RUBCN: variants seen among roughly 807,000 people sequenced by gnomAD.
RUBCN encodes rubicon autophagy regulator.
Under a neutral mutation model 113.2 loss-of-function variants are expected in RUBCN, and 74 were observed. The observed-to-expected ratio is 0.65, with a 90% CI of 0.54 to 0.79. The LOEUF is 0.79. Among genes scored for constraint, RUBCN ranks in the 30% least tolerant of loss-of-function variants. RUBCN has a pLI of 0.00. For missense variants in RUBCN, 1,109 were observed against 1,251.7 expected, an observed-to-expected ratio of 0.89 and a Z score of 1.72; for synonymous variants, 480 against 490.0, an observed-to-expected ratio of 0.98 and a Z score of 0.27.
At position 197,671,935 on chromosome 3, in the gene RUBCN, T is replaced by C. The variant is rs1719830541; in HGVS notation, c.*3083A>G. The C allele has an allele frequency of 1.3e-5, 2 of 152,236 alleles. No individual in the cohort carries two copies. The highest frequency in any genetic ancestry group is 4.1e-4 in the South Asian group (2 of 4,832). The allele number at this position is 152,236 out of a possible 1,614,324, so 9.4% of individuals were successfully genotyped here. A position where few individuals can be genotyped will look rare whatever the true frequency, so the allele number is the denominator to read the frequency against. Reference sequence around the variant, plus strand: ...CAGAAACCTTCTCAATGTTCAGATATACCTGCTTTACAGTGGACACATGCC... The same window carrying C: ...CAGAAACCTTCTCAATGTTCAGATACACCTGCTTTACAGTGGACACATGCC... On this transcript the variant is annotated 3_prime_UTR_variant, in exon 20 of 20. Transcript: ENST00000296343.
rs1017105146 is a variant in RUBCN at position 197,683,785 on chromosome 3, T to G, written c.1848-346A>C. On this transcript the variant is annotated intron_variant, in intron 12 of 19. Coordinates refer to ENST00000296343, the MANE Select transcript of RUBCN (RefSeq NM_014687.4). This position sits in a 1 kb window ranked among gnomAD's most constrained non-coding sequence, Gnocchi z 4.6. ...ATTGCTTTGTGGACTACAAAGCGAT[T>G]TTTCCTCCCAAATGAGCTACTGTGT... 1.2e-4 allele frequency among the ~76,000 whole-genome samples: 19 copies of G among 152,208 alleles called. No homozygotes were observed. Among genetic ancestry groups the G allele is most frequent in the African/African-American group, 4.3e-4 (18 of 41,524 alleles).
rs529670241 is a variant in RUBCN, at chr3:197,681,745, G to T, written c.2191+90C>A. The T allele has an allele frequency of 1.5e-5, 18 of 1,175,072 alleles. No individual in the cohort carries two copies. The highest frequency in any genetic ancestry group is 1.0e-5 in the Non-Finnish European group (8 of 780,864). The allele number at this position is 1,175,072 out of a possible 1,614,324, so 72.8% of individuals were successfully genotyped here. On this transcript the variant is annotated intron_variant, in intron 15 of 19. Transcript: ENST00000296343. This position sits in a 1 kb window ranked among gnomAD's most constrained non-coding sequence, Gnocchi z 5.5. ...CCCTACTTCTGCCACGCCACCTCCTGCTACCGCCTTTGACACGCCACCTCT... is the reference window on the plus strand; with the variant it reads ...CCCTACTTCTGCCACGCCACCTCCTTCTACCGCCTTTGACACGCCACCTCT...
Position 197,675,697 on chromosome 3 carries a change from C to T in RUBCN, c.2647-182G>A, listed in dbSNP as rs544563457. Among the ~76,000 whole-genome samples the T allele has an allele frequency of 6.6e-6, 1 of 152,290 alleles. No individual in the cohort carries two copies. The highest frequency in any genetic ancestry group is 2.1e-4 in the South Asian group (1 of 4,822). ...CAGGGCCGGGCAGCGTTAGACAAAGCTTTAGGCAGAAGATCAGACAGGCAC... is the reference window on the plus strand; with the variant it reads ...CAGGGCCGGGCAGCGTTAGACAAAGTTTTAGGCAGAAGATCAGACAGGCAC... On this transcript the variant is annotated intron_variant, in intron 18 of 19. Transcript: ENST00000296343. This position sits in a 1 kb window ranked among gnomAD's most constrained non-coding sequence, Gnocchi z 4.4.
chr3:197,694,525 T>G lies in RUBCN; in HGVS notation c.1534A>C (p.Asn512His), dbSNP rs1488933593. Residue 512 changes from asparagine to histidine, a missense_variant, in exon 10 of 20, where the codon AAC (asparagine) becomes CAC (histidine). Coordinates refer to ENST00000296343, the MANE Select transcript of RUBCN (RefSeq NM_014687.4). The stretch of plus-strand genomic sequence containing the variant: ...TCCTCTAGGCACTGGCTCATCATGT[T>G]GCACTTCATTAGCTCGATGGCAGCA... Reference protein sequence around the residue: ...LIAAIELMKCNMMSQCLEEEE... With the variant: ...LIAAIELMKCHMMSQCLEEEE... The G allele has an allele frequency of 3.7e-6, 6 of 1,614,242 alleles. No individual in the cohort carries two copies. In the South Asian group the frequency reaches 6.6e-5, roughly 18 times the overall value.
intron 1 of RUBCN, among the ~76,000 whole-genome samples, chr3:197,732,271 A>C (rs921042593): frequency 4.6e-5 from 7 of 152,232 alleles, no homozygotes; most frequent in African/African-American, 1.7e-4. Flanking sequence ...CTAGGGAGAC[A>C]GAGCAATGCC....
chr3:197,735,359 A>C (rs1728000732), intron 1 of RUBCN, among the ~76,000 whole-genome samples: 1 of 152,254 alleles, frequency 6.6e-6, no homozygotes, highest in Admixed American at 6.5e-5. Context: ...TGTTCACGGC[A>C]CTGCGCTCAG....
intron 2 of RUBCN, among the ~76,000 whole-genome samples, chr3:197,708,676 A>T (rs913028397): frequency 1.3e-5 from 2 of 152,128 alleles, no homozygotes; most frequent in Non-Finnish European, 2.9e-5. Flanking sequence ...TAGAATAAAC[A>T]TGCACTTTTA....
chr3:197,692,212 T>C (rs1180380950), intron 11 of RUBCN, among the ~76,000 whole-genome samples: 1 of 151,912 alleles, frequency 6.6e-6, no homozygotes, highest in Non-Finnish European at 1.5e-5. Flanking sequence ...CAATAAAAAC[T>C]TGAACAATGA....
At chr3:197,749,595 C>T (rs749986532) in exon 1 of RUBCN, 242 of 1,214,464 alleles carry the variant, frequency 2.0e-4, no homozygotes, top group Non-Finnish European at 2.4e-4. Flanking sequence ...CTGTCTGCAG[C>T]AGGAGGGACT....
upstream of RUBCN, among the ~76,000 whole-genome samples, chr3:197,741,777 C>CGCACCACTGCACTCCAGAGATT (rs1553906226): frequency 4.0e-5 from 6 of 151,304 alleles, no homozygotes; most frequent in African/African-American, 9.7e-5. Context: ...GAGCTGAGAT[C>CGCACCACTGCACTCCAGAGATT]GCACCACTGC....
At chr3:197,693,908 T>A (rs1303196582) in intron 10 of RUBCN, 92 bp from the exon 11 acceptor site, 1 of 841,824 alleles carries the variant, frequency 1.2e-6, no homozygotes, top group Admixed American at 1.9e-5. Flanking sequence ...TGATATGACC[T>A]CAACAGAGAG....
chr3:197,707,437 GA>G (rs1216642146), intron 2 of RUBCN, among the ~76,000 whole-genome samples: 1 of 152,018 alleles, frequency 6.6e-6, no homozygotes, highest in Non-Finnish European at 1.5e-5. Context: ...AAAAAAAATG[GA>G]AAAAATTGAT....
Position 197,683,229 on chromosome 3 carries a change from A to T in RUBCN, c.1980+78T>A. ...GGAACACCCAGGCTCATTCCAGACTAGGGACATGTGACGAAGGAAAACAAG... is the reference window on the plus strand; with the variant it reads ...GGAACACCCAGGCTCATTCCAGACTTGGGACATGTGACGAAGGAAAACAAG... On this transcript the variant is annotated intron_variant, in intron 13 of 19. Coordinates refer to ENST00000296343, the MANE Select transcript of RUBCN (RefSeq NM_014687.4). This position sits in a 1 kb window ranked among gnomAD's most constrained non-coding sequence, Gnocchi z 4.6. 1 of 1,558,776 alleles carries T rather than the reference A, an allele frequency of 6.4e-7. No homozygotes were observed. Among genetic ancestry groups the T allele is most frequent in the Non-Finnish European group, 8.9e-7 (1 of 1,129,638 alleles).
intron 1 of RUBCN, among the ~76,000 whole-genome samples, chr3:197,747,231 G>A (rs898306161): frequency 2.0e-5 from 3 of 152,112 alleles, no homozygotes; most frequent in African/African-American, 7.2e-5. Flanking sequence ...ATCTGGGGAT[G>A]GCTCCTAGGC....
At position 197,677,473 on chromosome 3, in the gene RUBCN, G is replaced by C. The variant is rs377480775; in HGVS notation, c.2492+7C>G. 3.7e-5 allele frequency: 59 copies of C among 1,612,946 alleles called. No individual in the cohort carries two copies. In the Admixed American group the frequency reaches 6.0e-4, roughly 16 times the overall value. ...GGCCAGAGGGCTCTAGCTCCAAAAG[G>C]ACTTACTCCTTGGCCAGTCGGCAAG... On this transcript the variant is annotated splice_region_variant and intron_variant, in intron 17 of 19. Coordinates refer to ENST00000296343, the MANE Select transcript of RUBCN (RefSeq NM_014687.4).
chr3:197,747,583 A>G (rs1238248015), intron 1 of RUBCN, among the ~76,000 whole-genome samples: 6 of 152,062 alleles, frequency 3.9e-5, no homozygotes, highest in Admixed American at 6.6e-5. Flanking sequence ...TATCTGTCCT[A>G]TAAATACCTG....
intron 1 of RUBCN, among the ~76,000 whole-genome samples, chr3:197,749,027 T>C (rs1050570754): frequency 6.6e-6 from 1 of 152,196 alleles, no homozygotes; most frequent in Non-Finnish European, 1.5e-5. Flanking sequence ...AGTTTTAAGC[T>C]GTATGAGGGT....
At chr3:197,741,830 CA>C (rs553278631), upstream of RUBCN, among the ~76,000 whole-genome samples, 73 of 135,630 alleles carry the variant, frequency 5.4e-4, no homozygotes, top group Non-Finnish European at 4.8e-4. Flanking sequence ...GACTCCATCT[CA>C]AAAAAAAAAA....
chr3:197,732,885 C>T (rs916402843), intron 1 of RUBCN, among the ~76,000 whole-genome samples: 6 of 152,150 alleles, frequency 3.9e-5, no homozygotes, highest in African/African-American at 7.2e-5. Context: ...GGGAGACCCT[C>T]GCCTTATTTC....
Sources: allele counts gnomAD v4.1 joint callset (sites outside exome capture counted in the v4.1 genomes callset), GRCh38; gene constraint gnomAD v4.1.1; non-coding constraint Gnocchi (gnomAD v3.1); transcripts MANE v1.5; gene names NCBI Gene and HGNC (gene_info 2026-07-23, HGNC 2026-07-21).